CSNK2A1: variants seen among roughly 807,000 people sequenced by gnomAD.
CSNK2A1 encodes casein kinase II subunit alpha.
A neutral mutation model predicts 62.9 loss-of-function variants in CSNK2A1; 10 were observed. The ratio of observed to expected loss-of-function variants is 0.16; its 90% CI spans 0.10 to 0.27. CSNK2A1 has a LOEUF of 0.27. Among genes scored for constraint, CSNK2A1 ranks in the 10% least tolerant of loss-of-function variants. The pLI is 1.00. For synonymous variants in CSNK2A1, 124 were observed against 167.8 expected (o/e 0.74, Z 2.02); for missense variants, 160 against 492.0 (o/e 0.33, Z 6.38).
chr20:484,171 C>G, intron 13 of CSNK2A1, 95 bp from the exon 14 acceptor site: 1 of 1,028,186 alleles, frequency 9.7e-7, no homozygotes, highest in East Asian at 3.1e-5. Context: ...CACAATAATT[C>G]TTTACTGAAG....
chr20:474,065 ATTTT>A lies in CSNK2A1; in HGVS notation c.*9892_*9895del, dbSNP rs2017803205. On this transcript the variant is annotated 3_prime_UTR_variant, in exon 14 of 14. Transcript: ENST00000217244. ...GGGACTGAGATAAAATTTATTTATT[ATTTT>A]TAAGAGAGAGGTTCTCACTCTGTCA... The A allele has an allele frequency of 6.6e-6, 1 of 152,158 alleles. No homozygotes were observed. Among genetic ancestry groups the A allele is most frequent in the Non-Finnish European group, 1.5e-5 (1 of 68,032 alleles). 9.4% of individuals were successfully genotyped at this position (152,158 alleles called of 1,614,324 possible).
Position 508,541 on chromosome 20 carries a change from G to C in CSNK2A1, c.11C>G (p.Pro4Arg). The C allele has an allele frequency of 6.2e-7, 1 of 1,613,218 alleles. No homozygotes were observed. Among genetic ancestry groups the C allele is most frequent in the Non-Finnish European group, 8.5e-7 (1 of 1,179,560 alleles). MSG[P>R]VPSRARVYTD... is the part of the protein sequence containing the mutation. ...GTAAACTCTGGCCCTGCTTGGCACG[G>C]GTCCCGACATGTCAGACAGGTTGGC... is the stretch of plus-strand genomic sequence containing the variant. Residue 4 changes from proline to arginine, a missense_variant, in exon 3 of 14, where the codon CCC becomes CGC. Around this residue, in one of 3 missense-constraint regions of CSNK2A1, gnomAD observed 15 missense variants for 25.6 expected, o/e 0.59. Coordinates refer to ENST00000217244, the MANE Select transcript of CSNK2A1 (RefSeq NM_177559.3).
intron 9 of CSNK2A1, among the ~76,000 whole-genome samples, chr20:492,024 G>T (rs1310593839): frequency 6.6e-6 from 1 of 152,148 alleles, no homozygotes; most frequent in African/African-American, 2.4e-5. Flanking sequence ...CTCAAGTCAG[G>T]ATCAAATGCA....
intron 4 of CSNK2A1, chr20:500,634 CT>C (rs11479834): frequency 0.016 from 2,121 of 130,206 alleles, 18 homozygotes; most frequent in African/African-American, 0.051. Flanking sequence ...CACCAATGCT[CT>C]TTTTTTTTTT....
chr20:495,480 C>T (rs992736841), intron 8 of CSNK2A1: 3 of 431,046 alleles, frequency 7.0e-6, no homozygotes, highest in African/African-American at 2.0e-5. Flanking sequence ...GCCACGTTTC[C>T]GGGCTTAGAA....
intron 2 of CSNK2A1, among the ~76,000 whole-genome samples, chr20:522,306 T>C (rs931734822): frequency 5.9e-5 from 9 of 152,238 alleles, no homozygotes; most frequent in African/African-American, 2.2e-4. Context: ...TAGAAAAACC[T>C]GGCAGACTTT....
chr20:483,471 C>T lies in CSNK2A1; in HGVS notation c.*490G>A, dbSNP rs2017996337. On this transcript the variant is annotated 3_prime_UTR_variant, in exon 14 of 14. Coordinates refer to ENST00000217244, the MANE Select transcript of CSNK2A1 (RefSeq NM_177559.3). ...ACTGCTCCTATAGATTGGGTCCTCC[C>T]TTCCTTCTTTCCTTCCTTCCTTTCT... The T allele has an allele frequency of 6.6e-6, 1 of 152,614 alleles. No homozygotes were observed. The highest frequency in any genetic ancestry group is 2.4e-5 in the African/African-American group (1 of 41,434). The allele number at this position is 152,614 out of a possible 1,614,324, so 9.5% of individuals were successfully genotyped here. A position where few individuals can be genotyped will look rare whatever the true frequency, so the allele number is the denominator to read the frequency against.
chr20:532,558 T>C (rs961000618), intron 1 of CSNK2A1, among the ~76,000 whole-genome samples: 1 of 152,152 alleles, frequency 6.6e-6, no homozygotes, highest in African/African-American at 2.4e-5. Flanking sequence ...CTGAGGTCAT[T>C]AGTTTGGATG....
At position 499,557 on chromosome 20, in the gene CSNK2A1, G is replaced by A. The variant is rs1207693891; in HGVS notation, c.316-252C>T. On this transcript the variant is annotated intron_variant, in intron 5 of 13. Transcript: ENST00000217244. This position sits in a 1 kb window ranked among gnomAD's most constrained non-coding sequence, Gnocchi z 4.2. The stretch of plus-strand genomic sequence containing the variant: ...TAGGCAGCCCGACAATGCGCCCATC[G>A]CCCATCGGCATCGGACCTGAGTTTG... 6 of 551,334 alleles carry A rather than the reference G, an allele frequency of 1.1e-5. No homozygotes were observed. The Admixed American group carries it at 1.4e-4, about 13-fold the overall frequency. The allele number at this position is 551,334 out of a possible 1,614,324, so 34.2% of individuals were successfully genotyped here.
At position 509,964 on chromosome 20, in the gene CSNK2A1, A is replaced by G. The variant is rs531352076; in HGVS notation, c.-109-1304T>C. On this transcript the variant is annotated intron_variant, in intron 2 of 13. Transcript: ENST00000217244. ...GGAAGGGGTACTATACTTCTAAAACATGTCCACAGCATAAAAGACAAATGG... is the reference window on the plus strand; with the variant it reads ...GGAAGGGGTACTATACTTCTAAAACGTGTCCACAGCATAAAAGACAAATGG... Among the ~76,000 whole-genome samples, 42 of 152,316 alleles carry G rather than the reference A, an allele frequency of 2.8e-4. No homozygotes were observed. In the South Asian group the frequency reaches 8.5e-3, roughly 31 times the overall value.
intron 11 of CSNK2A1, 59 bp downstream of exon 11, chr20:488,619 G>A (rs2018151296): frequency 6.6e-7 from 1 of 1,504,282 alleles, no homozygotes; most frequent in Non-Finnish European, 9.2e-7. Context: ...GATCCTAAGT[G>A]CCAGTTCACT....
At chr20:506,445 A>G (rs958440667) in intron 3 of CSNK2A1, 2 of 152,154 alleles carry the variant, frequency 1.3e-5, no homozygotes, top group African/African-American at 4.8e-5. Flanking sequence ...CTCTACATAT[A>G]CCCATATTCT....
chr20:499,730 TTAA>T lies in CSNK2A1; in HGVS notation c.315+100_315+102del. 3.7e-6 allele frequency: 4 copies of T among 1,074,626 alleles called. No homozygotes were observed. Among genetic ancestry groups the T allele is most frequent in the African/African-American group, 1.6e-5 (1 of 63,488 alleles). 66.6% of individuals were successfully genotyped at this position (1,074,626 alleles called of 1,614,324 possible). ...TGATTAAGCACTTTCAAAGCAGGAC[TTAA>T]TGATGAGGGTTGGGGGAGGGAACAA... On this transcript the variant is annotated intron_variant, in intron 5 of 13. Coordinates refer to ENST00000217244, the MANE Select transcript of CSNK2A1 (RefSeq NM_177559.3). The surrounding 1 kb of genome is among the most constrained non-coding windows in gnomAD (Gnocchi z 4.2).
chr20:513,978 A>C (rs1275532271), intron 2 of CSNK2A1, among the ~76,000 whole-genome samples: 1 of 152,226 alleles, frequency 6.6e-6, no homozygotes, highest in Non-Finnish European at 1.5e-5. Flanking sequence ...GGGAAAATAA[A>C]ACAGAGGATT....
At chr20:506,359 A>G (rs2018602299) in intron 3 of CSNK2A1, 1 of 152,220 alleles carries the variant, frequency 6.6e-6, no homozygotes, top group African/African-American at 2.4e-5. Context: ...TTTGCCCTCC[A>G]GGGCAAGCTC....
chr20:520,061 A>G (rs192002852), intron 2 of CSNK2A1, among the ~76,000 whole-genome samples: 324 of 152,318 alleles, frequency 2.1e-3, no homozygotes, highest in Non-Finnish European at 3.8e-3. Context: ...AACCAGAAAG[A>G]GGGAAAAGTA....
intron 3 of CSNK2A1, chr20:507,343 C>T (rs2018624866): frequency 6.6e-6 from 1 of 152,214 alleles, no homozygotes; most frequent in Admixed American, 6.5e-5. Flanking sequence ...ATCCACTAAC[C>T]ACTTACAGGT....
intron 2 of CSNK2A1, among the ~76,000 whole-genome samples, chr20:509,273 A>G (rs1235800372): frequency 2.6e-5 from 4 of 152,230 alleles, no homozygotes; most frequent in Non-Finnish European, 4.4e-5. Context: ...AAATTTAAAA[A>G]CAGAAATCAG....
chr20:489,661 C>T, intron 10 of CSNK2A1, 119 bp downstream of exon 10: 4 of 718,416 alleles, frequency 5.6e-6, no homozygotes, highest in Non-Finnish European at 6.2e-6. Context: ...GCTCCCGAAA[C>T]ATCAATCTAA....
Sources: allele counts gnomAD v4.1 joint callset (sites outside exome capture counted in the v4.1 genomes callset), GRCh38; gene constraint gnomAD v4.1.1; regional missense constraint gnomAD v4.1.1; non-coding constraint Gnocchi (gnomAD v3.1); transcripts MANE v1.5; gene names NCBI Gene and HGNC (gene_info 2026-07-23, HGNC 2026-07-21).